NOX4: variants seen among roughly 807,000 people sequenced by gnomAD.
The protein encoded by NOX4 is kidney oxidase-1.
Under a neutral mutation model 87.6 loss-of-function variants are expected in NOX4, and 69 were observed. That is an observed-to-expected ratio of 0.79 (90% confidence interval 0.65 to 0.96). The LOEUF is 0.96. NOX4 is among the 40% of genes least tolerant of loss of function. NOX4 has a pLI of 0.00. For missense variants in NOX4, 680 were observed against 681.5 expected (o/e 1.00, Z 0.02); for synonymous variants, 275 against 238.2 (o/e 1.15, Z -1.42).
intron 8 of NOX4, 59 bp downstream of exon 8, chr11:89,421,843 C>T (rs1428446387): frequency 9.8e-7 from 1 of 1,017,784 alleles, no homozygotes; most frequent in Non-Finnish European, 1.5e-6. Context: ...ATAGAGTTTT[C>T]TTTCATTACC....
At chr11:89,329,380 A>G (rs1244635788) in intron 17 of NOX4, among the ~76,000 whole-genome samples, 1 of 147,346 alleles carries the variant, frequency 6.8e-6, no homozygotes, top group Non-Finnish European at 1.5e-5. Flanking sequence ...AAAAAAGAAC[A>G]GAGCATAAGT....
chr11:89,523,172 T>C, the NOX4 span, among the ~76,000 whole-genome samples: 1 of 152,038 alleles, frequency 6.6e-6, no homozygotes, highest in African/African-American at 2.4e-5. Flanking sequence ...TACAGGCACG[T>C]GTCACCAAAC....
chr11:89,368,786 G>A (rs1205057927), intron 12 of NOX4, among the ~76,000 whole-genome samples: 1 of 152,068 alleles, frequency 6.6e-6, no homozygotes, highest in East Asian at 1.9e-4. Context: ...GTGATGGGAA[G>A]CTATCAGACA....
chr11:89,531,481 T>G, the NOX4 span, among the ~76,000 whole-genome samples: 3 of 152,164 alleles, frequency 2.0e-5, no homozygotes, highest in African/African-American at 7.2e-5. Flanking sequence ...TTAGTTTCAC[T>G]AAGTGACATT....
At chr11:89,427,882 C>G (rs1468781982) in intron 7 of NOX4, among the ~76,000 whole-genome samples, 2 of 152,144 alleles carry the variant, frequency 1.3e-5, no homozygotes, top group African/African-American at 4.8e-5. Context: ...CACAAAGATA[C>G]TCCTCGAGAA....
At position 89,381,365 on chromosome 11, in the gene NOX4, G is replaced by A. The variant is rs549791549; in HGVS notation, c.1075-7873C>T. 1.8e-3 allele frequency among the ~76,000 whole-genome samples: 273 copies of A among 152,258 alleles called. 4 individuals carry two copies. Among genetic ancestry groups the A allele is most frequent in the African/African-American group, 6.5e-3 (269 of 41,550 alleles). On this transcript the variant is annotated intron_variant, in intron 11 of 17. Coordinates refer to ENST00000263317, the MANE Select transcript of NOX4 (RefSeq NM_016931.5). ...CCAGATGGCCTGAAGTAACTGAAGA[G>A]TCACAAAAGAAGAGAAAATGGCCGG...
intron 12 of NOX4, among the ~76,000 whole-genome samples, chr11:89,359,510 C>T (rs563209794): frequency 6.6e-6 from 1 of 150,688 alleles, no homozygotes; most frequent in Non-Finnish European, 1.5e-5. Context: ...AATAAAACCT[C>T]TTACCACTAC....
intron 12 of NOX4, among the ~76,000 whole-genome samples, chr11:89,364,009 T>A (rs1037985825): frequency 2.0e-5 from 3 of 152,058 alleles, no homozygotes; most frequent in African/African-American, 7.2e-5. Flanking sequence ...CATGGCTACA[T>A]TCCCAATATT....
At chr11:89,461,647 A>AAAAAAAATAAATAAAT in intron 2 of NOX4, among the ~76,000 whole-genome samples, 1 of 145,708 alleles carries the variant, frequency 6.9e-6, no homozygotes, top group African/African-American at 2.6e-5. Context: ...TCCATCTCAA[A>AAAAAAAATAAATAAAT]AAATAAATAA....
At chr11:89,469,240 T>C (rs958664009) in intron 2 of NOX4, among the ~76,000 whole-genome samples, 1 of 152,168 alleles carries the variant, frequency 6.6e-6, no homozygotes, top group Non-Finnish European at 1.5e-5. Flanking sequence ...CATGTAAATA[T>C]GTACACTAAA....
intron 17 of NOX4, among the ~76,000 whole-genome samples, chr11:89,331,252 A>T (rs901121333): frequency 2.0e-5 from 3 of 152,016 alleles, no homozygotes; most frequent in African/African-American, 7.2e-5. Flanking sequence ...GGGTCAAAGA[A>T]AAAACATAAA....
chr11:89,391,421 G>C (rs1480529371), intron 11 of NOX4, among the ~76,000 whole-genome samples: 1 of 152,104 alleles, frequency 6.6e-6, no homozygotes, highest in African/African-American at 2.4e-5. Context: ...AGACCCAAAA[G>C]TGGGAAAATG....
the NOX4 span, among the ~76,000 whole-genome samples, chr11:89,574,191 C>T: frequency 1.3e-5 from 2 of 152,106 alleles, no homozygotes; most frequent in Admixed American, 1.3e-4. Flanking sequence ...GGGTGAACAG[C>T]CCTCTCCTGC....
intron 2 of NOX4, among the ~76,000 whole-genome samples, chr11:89,463,234 C>A (rs1945548613): frequency 6.6e-6 from 1 of 151,880 alleles, no homozygotes; most frequent in South Asian, 2.1e-4. Flanking sequence ...TGGATTACCA[C>A]TGAATTCTAC....
intron 3 of NOX4, 23 bp from the exon 4 acceptor site, chr11:89,449,547 G>C (rs1453680433): frequency 6.4e-7 from 1 of 1,565,334 alleles, no homozygotes; most frequent in Non-Finnish European, 8.8e-7. Flanking sequence ...CATTTAATAT[G>C]GTAAAAATAA....
rs139363194 is a variant in NOX4, at chr11:89,400,338, G to A, written c.888C>T (p.Ala296=). The A allele has an allele frequency of 5.6e-6, 9 of 1,612,104 alleles. No individual in the cohort carries two copies. Among genetic ancestry groups the A allele is most frequent in the East Asian group, 2.2e-5 (1 of 44,740 alleles). The part of the protein sequence containing the change: ...WISGPLCLYC[A]ERLYRYIRSN... ...TCCGGATATACCTGTAAAGTCTTTC[G>A]GCACAGTACAGGCACAAAGGTCCAG... Residue 296 remains alanine, a synonymous_variant, in exon 10 of 18, where the codon GCC becomes GCT. Coordinates refer to ENST00000263317, the MANE Select transcript of NOX4 (RefSeq NM_016931.5).
chr11:89,509,787 T>G, the NOX4 span, among the ~76,000 whole-genome samples: 4 of 151,952 alleles, frequency 2.6e-5, no homozygotes, highest in East Asian at 7.7e-4. Flanking sequence ...AATCAGGGGT[T>G]GGAAGGAAAA....
chr11:89,335,053 A>T (rs1945642374), intron 17 of NOX4, among the ~76,000 whole-genome samples: 1 of 151,808 alleles, frequency 6.6e-6, no homozygotes, highest in Non-Finnish European at 1.5e-5. Context: ...TATGTTAATT[A>T]CAAAATGTCA....
intron 4 of NOX4, 149 bp downstream of exon 4, chr11:89,449,291 G>A: frequency 1.7e-6 from 1 of 574,350 alleles, no homozygotes. Context: ...TAATATATCT[G>A]CAGGCAATTA....
Sources: gnomAD v4.1 joint callset for allele counts (sites outside exome capture counted in the v4.1 genomes callset) on GRCh38, gnomAD v4.1.1 for gene constraint, MANE v1.5 for transcripts, NCBI Gene and HGNC (gene_info 2026-07-23, HGNC 2026-07-21) for gene names.